Variants in CNTNAP3 observed in about 807,000 individuals in gnomAD.
The protein encoded by CNTNAP3 is contactin associated protein family member 3, also known as contactin-associated protein-like 3.
CNTNAP3 carries 36 observed loss-of-function variants against 92.1 expected under a neutral mutation model. The observed-to-expected ratio is 0.39, with a 90% CI of 0.30 to 0.52. The LOEUF (loss-of-function observed/expected upper bound fraction) is 0.52, where lower values mean the gene tolerates loss of function less well. CNTNAP3 is among the 20% of genes least tolerant of loss of function. The pLI is 0.76. For synonymous variants in CNTNAP3, 232 were observed against 422.3 expected (o/e 0.55, Z 5.53); for missense variants, 534 against 1,069.6 (o/e 0.50, Z 6.98).
At chr9:39,075,019 C>T (rs547377003) in intron 23 of CNTNAP3, among the ~76,000 whole-genome samples, 190 of 152,380 alleles carry the variant, frequency 1.2e-3, no homozygotes, top group African/African-American at 4.3e-3. Flanking sequence ...CCGTCCGCCT[C>T]GGCCTCCCAA....
chr9:39,105,953 C>T (rs1033329899), intron 15 of CNTNAP3, among the ~76,000 whole-genome samples: 7 of 151,674 alleles, frequency 4.6e-5, no homozygotes, highest in African/African-American at 7.3e-5. Flanking sequence ...TGGATACCTC[C>T]GTTTTTAACC....
At chr9:39,083,198 G>A (rs1177492218) in intron 21 of CNTNAP3, among the ~76,000 whole-genome samples, 1 of 151,804 alleles carries the variant, frequency 6.6e-6, no homozygotes, top group Admixed American at 6.6e-5. Flanking sequence ...CCTTCAGTGG[G>A]TTTTCTTTTC....
chr9:39,133,214 A>G (rs2118052536), intron 12 of CNTNAP3, 79 bp from the exon 13 acceptor site: 2 of 1,463,282 alleles, frequency 1.4e-6, no homozygotes, highest in East Asian at 5.0e-5. Context: ...CCTGTCTTTT[A>G]TGTGAATTAA....
chr9:39,124,367 A>G (rs1821107477), intron 13 of CNTNAP3, among the ~76,000 whole-genome samples: 2 of 152,164 alleles, frequency 1.3e-5, no homozygotes, highest in Admixed American at 1.3e-4. Flanking sequence ...GAATTCAGGA[A>G]AAAAAGAAGA....
rs543084581 is a variant in CNTNAP3, at chr9:39,133,833, T to C, written c.1877-698A>G. On this transcript the variant is annotated intron_variant, in intron 12 of 23. Coordinates refer to ENST00000297668, the MANE Select transcript of CNTNAP3 (RefSeq NM_033655.5). The stretch of plus-strand genomic sequence containing the variant: ...AAGAAGTGCATCTTGAGTTCTTTAG[T>C]GTTCCCAAAAATGGACCTCCCACCA... 5.3e-5 allele frequency among the ~76,000 whole-genome samples: 8 copies of C among 152,334 alleles called. No individual in the cohort carries two copies. In the East Asian group the frequency reaches 1.5e-3, roughly 29 times the overall value.
At chr9:39,145,225 C>G (rs982846001) in intron 10 of CNTNAP3, among the ~76,000 whole-genome samples, 3 of 139,616 alleles carry the variant, frequency 2.1e-5, no homozygotes. Flanking sequence ...TTCTGGAGGC[C>G]TGGCCTGAAT....
At chr9:39,132,753 G>C (rs185838803) in intron 13 of CNTNAP3, among the ~76,000 whole-genome samples, 179 bp downstream of exon 13, 2 of 152,158 alleles carry the variant, frequency 1.3e-5, no homozygotes, top group African/African-American at 4.8e-5. Flanking sequence ...CGGTCAGGAA[G>C]GCGCTCTTGA....
At chr9:39,090,968 T>C (rs986085401) in intron 18 of CNTNAP3, among the ~76,000 whole-genome samples, 2 of 152,040 alleles carry the variant, frequency 1.3e-5, no homozygotes, top group Non-Finnish European at 2.9e-5. Context: ...GTTTTACTGG[T>C]TTTATTTTCA....
At position 39,118,259 on chromosome 9, in the gene CNTNAP3, T is replaced by C. The variant is rs1820909040; in HGVS notation, c.2081A>G (p.Asp694Gly). The C allele has an allele frequency of 6.2e-7, 1 of 1,612,882 alleles. No individual in the cohort carries two copies. Among genetic ancestry groups the C allele is most frequent in the Non-Finnish European group, 8.5e-7 (1 of 1,179,656 alleles). ...CGTARRPDSRDGTPLSWWVGR... is the reference protein window; with the variant it reads ...CGTARRPDSRGGTPLSWWVGR... ...AACCCACCAGCTCAGTGGGGTTCCATCTGAAAGACAAGTATAAGAAACATG... is the reference window on the plus strand; with the variant it reads ...AACCCACCAGCTCAGTGGGGTTCCACCTGAAAGACAAGTATAAGAAACATG... Residue 694 changes from aspartate (D) to glycine (G), a missense_variant and splice_region_variant, in exon 14 of 24, where the codon GAT (aspartate) becomes GGT (glycine). By Grantham distance (94) the Asp-to-Gly change is moderately conservative. Transcript: ENST00000297668.
At chr9:39,149,621 G>T (rs1301803056) in intron 10 of CNTNAP3, among the ~76,000 whole-genome samples, 185 bp downstream of exon 10, 1 of 152,012 alleles carries the variant, frequency 6.6e-6, no homozygotes, top group East Asian at 1.9e-4. Flanking sequence ...CGCATTACAG[G>T]TGTGAGCCAC....
At chr9:39,105,673 A>G (rs1302815304) in intron 15 of CNTNAP3, among the ~76,000 whole-genome samples, 1 of 151,990 alleles carries the variant, frequency 6.6e-6, no homozygotes, top group African/African-American at 2.4e-5. Flanking sequence ...ATCCAGGCTC[A>G]TCTTACATTT....
chr9:39,129,949 T>G (rs1315744307), intron 13 of CNTNAP3, among the ~76,000 whole-genome samples: 2 of 152,102 alleles, frequency 1.3e-5, no homozygotes, highest in African/African-American at 2.4e-5. Context: ...ACAATAAAGA[T>G]ATTACTACAC....
At chr9:39,095,674 TC>T (rs1382356763) in intron 18 of CNTNAP3, among the ~76,000 whole-genome samples, 1 of 143,578 alleles carries the variant, frequency 7.0e-6, no homozygotes, top group Non-Finnish European at 1.5e-5. Context: ...CTGGGATAAA[TC>T]CTACTACGTT....
chr9:39,070,753 G>C lies in CNTNAP3; in HGVS notation c.*3137C>G, dbSNP rs1825619379. Among the ~76,000 whole-genome samples, 1 of 152,276 alleles carries C rather than the reference G, an allele frequency of 6.6e-6. No homozygotes were observed. The highest frequency in any genetic ancestry group is 1.5e-5 in the Non-Finnish European group (1 of 68,040). The stretch of plus-strand genomic sequence containing the variant: ...CTCCATGATGTGCTTATTTCACAGT[G>C]CATGCCTGTATCAAAACATTTCATG... On this transcript the variant is annotated 3_prime_UTR_variant, in exon 24 of 24. Coordinates refer to ENST00000297668, the MANE Select transcript of CNTNAP3 (RefSeq NM_033655.5).
intron 21 of CNTNAP3, among the ~76,000 whole-genome samples, chr9:39,079,614 A>G (rs138034394): frequency 0.17 from 24,530 of 148,266 alleles, 2,865 homozygotes; most frequent in African/African-American, 0.32. Context: ...ATTTGTCTTT[A>G]GAGTAATAAC....
intron 21 of CNTNAP3, among the ~76,000 whole-genome samples, chr9:39,079,411 A>T (rs1218089846): frequency 7.0e-6 from 1 of 142,172 alleles, no homozygotes; most frequent in African/African-American, 2.6e-5. Flanking sequence ...TTTTGTCATC[A>T]GATAATATCC....
chr9:39,091,604 T>G (rs980939421), intron 18 of CNTNAP3, among the ~76,000 whole-genome samples: 269 of 152,082 alleles, frequency 1.8e-3, no homozygotes, highest in African/African-American at 6.2e-3. Context: ...TTGGTAATAC[T>G]CTGTTCAGGG....
intron 3 of CNTNAP3, among the ~76,000 whole-genome samples, chr9:39,202,111 T>C (rs919060745): frequency 3.7e-4 from 2 of 5,346 alleles, no homozygotes; most frequent in African/African-American, 5.1e-4. Flanking sequence ...CAAGCACCCA[T>C]TTCCTAGCCA....
chr9:39,113,895 A>C, intron 14 of CNTNAP3, among the ~76,000 whole-genome samples: 1 of 151,522 alleles, frequency 6.6e-6, no homozygotes, highest in East Asian at 1.9e-4. Context: ...CATTCCCAAA[A>C]ATGTTATGTT....
Sources: gnomAD v4.1 joint callset for allele counts (sites outside exome capture counted in the v4.1 genomes callset) on GRCh38, gnomAD v4.1.1 for gene constraint, MANE v1.5 for transcripts, NCBI Gene and HGNC (gene_info 2026-07-23, HGNC 2026-07-21) for gene names.